Variants in SOX6 observed in about 807,000 individuals in gnomAD.
SOX6 encodes transcription factor SOX-6.
Under a neutral mutation model 97.8 loss-of-function variants are expected in SOX6, and 11 were observed. The ratio of observed to expected loss-of-function variants is 0.11; its 90% CI spans 0.07 to 0.19. The LOEUF (loss-of-function observed/expected upper bound fraction) is 0.19, where lower values mean the gene tolerates loss of function less well. Among genes scored for constraint, SOX6 ranks in the 10% least tolerant of loss-of-function variants. SOX6 has a pLI of 1.00. For missense variants in SOX6, 810 were observed against 1,039.5 expected (o/e 0.78, Z 3.04); for synonymous variants, 360 against 371.4 (o/e 0.97, Z 0.35).
exon 1 of SOX6, chr11:16,476,373 A>T (rs1860248267): frequency 6.6e-6 from 1 of 152,532 alleles, no homozygotes; most frequent in African/African-American, 2.4e-5. Context: ...ATTGCCTTTG[A>T]ATTCATGAAA....
intron 12 of SOX6, among the ~76,000 whole-genome samples, chr11:16,041,585 T>G (rs995330351): frequency 2.0e-5 from 3 of 152,124 alleles, no homozygotes; most frequent in Non-Finnish European, 2.9e-5. Context: ...AAAATATCAT[T>G]TGGGTATAAG....
chr11:16,609,109 A>T (rs746394640), intron 4 of SOX6, among the ~76,000 whole-genome samples: 14 of 152,232 alleles, frequency 9.2e-5, no homozygotes, highest in Non-Finnish European at 1.8e-4. Flanking sequence ...AGTGCAAAAA[A>T]AGCTGGAGGA....
At chr11:16,214,837 C>G in intron 4 of SOX6, among the ~76,000 whole-genome samples, 1 of 151,368 alleles carries the variant, frequency 6.6e-6, no homozygotes, top group Admixed American at 6.6e-5. Context: ...GCAACCTCCG[C>G]CCCCTGGGTT....
At chr11:16,157,126 A>C (rs535583391) in intron 6 of SOX6, among the ~76,000 whole-genome samples, 9 of 152,156 alleles carry the variant, frequency 5.9e-5, no homozygotes, top group Admixed American at 5.2e-4. Context: ...CTTCTTAGCT[A>C]AATCCAATTA....
chr11:16,261,753 T>C (rs1403706770), intron 3 of SOX6, among the ~76,000 whole-genome samples: 1 of 152,028 alleles, frequency 6.6e-6, no homozygotes, highest in Non-Finnish European at 1.5e-5. Flanking sequence ...AATTAAGTAA[T>C]CACCAGGATT....
intron 2 of SOX6, among the ~76,000 whole-genome samples, chr11:16,717,678 C>A (rs1354965531): frequency 6.6e-6 from 1 of 152,112 alleles, no homozygotes; most frequent in Non-Finnish European, 1.5e-5. Context: ...ACACACTACC[C>A]TCTTTCTCTT....
At chr11:16,478,228 C>T (rs980454142), upstream of SOX6, among the ~76,000 whole-genome samples, 8 of 152,152 alleles carry the variant, frequency 5.3e-5, no homozygotes, top group East Asian at 1.5e-3. Flanking sequence ...AAATACCACA[C>T]CTTGTTTTTC....
In SOX6 at chr11:15,970,814, T is replaced by C. The variant is rs1853279655; in HGVS notation, c.*1995A>G. The C allele has an allele frequency of 6.6e-6, 1 of 152,660 alleles. No individual in the cohort carries two copies. The highest frequency in any genetic ancestry group is 2.4e-5 in the African/African-American group (1 of 41,454). 9.5% of individuals were successfully genotyped at this position (152,660 alleles called of 1,614,324 possible). ...TGACAAAATGGCTCAAGAAATCTGA[T>C]GGGGCCATTCCTATGTCCTGGTGAT... On this transcript the variant is annotated 3_prime_UTR_variant, in exon 16 of 16. Transcript: ENST00000683767.
chr11:16,034,102 G>A (rs79169270), intron 12 of SOX6, among the ~76,000 whole-genome samples: 8,409 of 152,018 alleles, frequency 0.055, 609 homozygotes, highest in East Asian at 0.37. Context: ...TAATTTAATT[G>A]TTGATATTTT....
At chr11:16,296,296 A>G (rs1446626737) in intron 3 of SOX6, among the ~76,000 whole-genome samples, 1 of 152,112 alleles carries the variant, frequency 6.6e-6, no homozygotes, top group African/African-American at 2.4e-5. Flanking sequence ...TTAAATGTGT[A>G]TAAAGAAAGT....
At chr11:16,267,007 T>TG (rs61415131) in intron 3 of SOX6, among the ~76,000 whole-genome samples, 151,254 of 151,532 alleles carry the variant, frequency 1, 75,489 homozygotes, top group Middle Eastern at 1. Context: ...AGAATGAAAC[T>TG]CACTCTTATT....
At chr11:16,581,038 C>T (rs751210492) in intron 4 of SOX6, among the ~76,000 whole-genome samples, 1 of 152,006 alleles carries the variant, frequency 6.6e-6, no homozygotes, top group Admixed American at 6.6e-5. Flanking sequence ...GACAGTGCGG[C>T]GATTCCTCAA....
At chr11:16,424,450 CAAAGCCAG>C (rs985256791) in intron 1 of SOX6, among the ~76,000 whole-genome samples, 3 of 152,112 alleles carry the variant, frequency 2.0e-5, no homozygotes, top group African/African-American at 7.2e-5. Flanking sequence ...TTCTACTTCC[CAAAGCCAG>C]AAAGTGGCAA....
intron 13 of SOX6, among the ~76,000 whole-genome samples, chr11:16,007,236 A>C (rs1432292788): frequency 6.6e-6 from 1 of 152,110 alleles, no homozygotes; most frequent in Non-Finnish European, 1.5e-5. Flanking sequence ...TTGCTCCTAG[A>C]CTACAAACAC....
intron 9 of SOX6, among the ~76,000 whole-genome samples, chr11:16,071,363 C>G (rs1217261405): frequency 1.3e-5 from 2 of 152,252 alleles, no homozygotes; most frequent in Non-Finnish European, 2.9e-5. Context: ...TCACTTCTGT[C>G]TGAACTTAGC....
intron 4 of SOX6, among the ~76,000 whole-genome samples, chr11:16,496,968 T>C (rs530102641): frequency 1.3e-5 from 2 of 151,946 alleles, no homozygotes; most frequent in Non-Finnish European, 2.9e-5. Context: ...TTGAAGAGAG[T>C]AGTGGTTCTC....
At chr11:16,640,998 T>G (rs1848902803) in intron 3 of SOX6, among the ~76,000 whole-genome samples, 1 of 152,216 alleles carries the variant, frequency 6.6e-6, no homozygotes, top group African/African-American at 2.4e-5. Context: ...TTAAGTGTGA[T>G]GTTAGGTTGT....
rs1853269979 is a variant in SOX6 at position 15,970,527 on chromosome 11, A to T, written c.*2282T>A. ...ACTGAGGAGGAGAGGTATATAATCA[A>T]AGAAATCAGTAAGACAATAATAAAT... On this transcript the variant is annotated 3_prime_UTR_variant, in exon 16 of 16. Transcript: ENST00000683767. 6.6e-6 allele frequency: 1 copy of T among 152,614 alleles called. No individual in the cohort carries two copies. Among genetic ancestry groups the T allele is most frequent in the African/African-American group, 2.4e-5 (1 of 41,456 alleles). The allele number at this position is 152,614 out of a possible 1,614,324, so 9.5% of individuals were successfully genotyped here.
intron 6 of SOX6, among the ~76,000 whole-genome samples, chr11:16,163,965 T>A (rs1341146874): frequency 6.6e-6 from 1 of 152,208 alleles, no homozygotes; most frequent in East Asian, 1.9e-4. Context: ...GCTGAGCCTC[T>A]AGAAATTCTT....
Sources: allele counts gnomAD v4.1 joint callset (sites outside exome capture counted in the v4.1 genomes callset), GRCh38; gene constraint gnomAD v4.1.1; transcripts MANE v1.5; gene names NCBI Gene and HGNC (gene_info 2026-07-23, HGNC 2026-07-21).